Variants in TMEM126A observed in about 807,000 individuals in gnomAD.
TMEM126A encodes the protein optic atrophy 7.
A neutral mutation model predicts 18.3 loss-of-function variants in TMEM126A; 10 were observed. The observed-to-expected ratio is 0.55, with a 90% confidence interval of 0.34 to 0.93. The LOEUF (loss-of-function observed/expected upper bound fraction) is 0.93, where lower values mean the gene tolerates loss of function less well. Ranked by LOEUF, TMEM126A falls within the 40% of genes least tolerant of loss-of-function variation. The pLI, the probability that TMEM126A is intolerant of heterozygous loss-of-function variation, is 0.02. For missense variants in TMEM126A, 246 were observed against 230.2 expected (o/e 1.07, Z -0.44); for synonymous variants, 68 against 78.1 (o/e 0.87, Z 0.68).
Position 85,650,408 on chromosome 11 carries a change from C to T in TMEM126A, c.86+67C>T, listed in dbSNP as rs566310804. 49 of 1,163,356 alleles carry T rather than the reference C, an allele frequency of 4.2e-5. 1 individual carries two copies. The East Asian group carries it at 6.4e-4, about 15-fold the overall frequency. 72.1% of individuals were successfully genotyped at this position (1,163,356 alleles called of 1,614,324 possible). On this transcript the variant is annotated intron_variant, in intron 2 of 4. Coordinates refer to ENST00000304511, the MANE Select transcript of TMEM126A (RefSeq NM_032273.4). ...GATTTTCACCATTGATTCATTATCT[C>T]AAGTTTATCTGGTTTGAGTATAAAC...
At chr11:85,649,696 A>T (rs553645518) in intron 1 of TMEM126A, among the ~76,000 whole-genome samples, 1 of 152,316 alleles carries the variant, frequency 6.6e-6, no homozygotes, top group East Asian at 1.9e-4. Flanking sequence ...ATTTTAGCTA[A>T]CCTATGGGTA....
chr11:85,650,485 T>C, intron 2 of TMEM126A, 144 bp downstream of exon 2: 1 of 683,664 alleles, frequency 1.5e-6, no homozygotes, highest in South Asian at 1.7e-5. Flanking sequence ...ATGAGAGCGT[T>C]TAACCATTTT....
intron 3 of TMEM126A, chr11:85,655,392 T>C (rs1211097733): frequency 3.9e-6 from 2 of 513,524 alleles, no homozygotes; most frequent in Non-Finnish European, 7.0e-6. Context: ...GAACTTTTTT[T>C]CCTAAAATAG....
intron 1 of TMEM126A, among the ~76,000 whole-genome samples, chr11:85,649,703 G>C (rs1031575961): frequency 6.6e-6 from 1 of 152,152 alleles, no homozygotes; most frequent in Non-Finnish European, 1.5e-5. Context: ...CTAACCTATG[G>C]GTACCTATTG....
chr11:85,654,279 C>CA, intron 3 of TMEM126A, 23 bp downstream of exon 3: 1 of 1,609,360 alleles, frequency 6.2e-7, no homozygotes, highest in Non-Finnish European at 8.5e-7. Flanking sequence ...TCACTATCAC[C>CA]AAAGAGTTTG....
intron 1 of TMEM126A, among the ~76,000 whole-genome samples, chr11:85,648,403 T>C (rs1350998386): frequency 6.6e-6 from 1 of 152,228 alleles, no homozygotes; most frequent in Non-Finnish European, 1.5e-5. Flanking sequence ...CCACACTGCC[T>C]ATCTCTCAGA....
Position 85,650,341 on chromosome 11 carries a change from G to C in TMEM126A, c.86G>C (p.Arg29Thr), listed in dbSNP as rs769928688. ...RKINQLPEAE[R>T]NLLENGSVYV... Reference sequence around the variant, plus strand: ...ATTAACCAGCTTCCAGAAGCAGAAAGGTAAGATCCCTTCTTAATTTAAAAA... The same window carrying C: ...ATTAACCAGCTTCCAGAAGCAGAAACGTAAGATCCCTTCTTAATTTAAAAA... The change falls in exon 2 of 5, where the codon AGG becomes ACG. Residue 29 changes from arginine to threonine, a missense_variant and splice_region_variant. Coordinates refer to ENST00000304511, the MANE Select transcript of TMEM126A (RefSeq NM_032273.4). 1 of 1,595,284 alleles carries C rather than the reference G, an allele frequency of 6.3e-7. No homozygotes were observed. Among genetic ancestry groups the C allele is most frequent in the Admixed American group, 1.7e-5 (1 of 59,902 alleles).
chr11:85,649,936 T>G (rs2082487021), intron 1 of TMEM126A, among the ~76,000 whole-genome samples: 1 of 152,228 alleles, frequency 6.6e-6, no homozygotes, highest in Non-Finnish European at 1.5e-5. Context: ...CACTAGCTTA[T>G]CTTTATGGTA....
intron 2 of TMEM126A, among the ~76,000 whole-genome samples, chr11:85,653,254 A>G (rs2082514618): frequency 6.6e-6 from 1 of 152,248 alleles, no homozygotes; most frequent in African/African-American, 2.4e-5. Flanking sequence ...TAAGAAAAGC[A>G]ATACCTTATA....
At position 85,654,459 on chromosome 11, in the gene TMEM126A, T is replaced by C. The variant is rs75353865; in HGVS notation, c.280+203T>C. On this transcript the variant is annotated intron_variant, in intron 3 of 4. Coordinates refer to ENST00000304511, the MANE Select transcript of TMEM126A (RefSeq NM_032273.4). ...CATACACAGCAGTTCTAAATACTTT[T>C]TCTTTAATTGAGATGGAGTTTTGCT... Among the ~76,000 whole-genome samples the C allele has an allele frequency of 0.046, 7,047 of 152,296 alleles. 186 individuals carry two copies. The highest frequency in any genetic ancestry group is 0.13 in the Middle Eastern group (38 of 294).
intron 3 of TMEM126A, among the ~76,000 whole-genome samples, chr11:85,654,516 A>G (rs1354771729): frequency 6.6e-6 from 1 of 152,158 alleles, no homozygotes; most frequent in Non-Finnish European, 1.5e-5. Context: ...CCCTGGCGCA[A>G]TCTTGGCTCA....
Position 85,656,515 on chromosome 11 carries a change from T to C in TMEM126A, c.*14T>C, listed in dbSNP as rs2082541676. 2 of 1,602,202 alleles carry C rather than the reference T, an allele frequency of 1.2e-6. No homozygotes were observed. Among genetic ancestry groups the C allele is most frequent in the African/African-American group, 1.3e-5 (1 of 74,792 alleles). On this transcript the variant is annotated 3_prime_UTR_variant, in exon 5 of 5. Transcript: ENST00000304511. ...GAAATTCACTGATTTTAAACAAATA[T>C]GTAAACAAAAATAAAATGGTAAAAA...
chr11:85,655,406 T>C, intron 3 of TMEM126A, 188 bp from the exon 4 acceptor site: 1 of 541,568 alleles, frequency 1.8e-6, no homozygotes, highest in Non-Finnish European at 3.3e-6. Flanking sequence ...AAAATAGTTT[T>C]ACCAATTATT....
In TMEM126A at chr11:85,654,200, C is replaced by G; in HGVS notation, c.224C>G (p.Pro75Arg). Reference protein sequence around the residue: ...IAAGLPMAGIPFLTTDLTYRC... With the variant: ...IAAGLPMAGIRFLTTDLTYRC... ...GCTGGCTTACCAATGGCAGGGATAC[C>G]TTTTCTTACAACAGACTTAACTTAC... Residue 75 changes from proline (P) to arginine (R), a missense_variant, in exon 3 of 5, where the codon CCT becomes CGT. By Grantham distance (103) the Pro-to-Arg change is moderately radical. Transcript: ENST00000304511. The G allele has an allele frequency of 1.9e-6, 3 of 1,614,140 alleles. No homozygotes were observed. Among genetic ancestry groups the G allele is most frequent in the Non-Finnish European group, 1.7e-6 (2 of 1,180,020 alleles).
At chr11:85,652,396 C>T (rs2082507514) in intron 2 of TMEM126A, among the ~76,000 whole-genome samples, 1 of 152,090 alleles carries the variant, frequency 6.6e-6, no homozygotes, top group Admixed American at 6.5e-5. Context: ...TTCATTTCTT[C>T]TTGGATTATT....
chr11:85,653,987 A>AT, intron 2 of TMEM126A, 76 bp from the exon 3 acceptor site: 1 of 1,529,664 alleles, frequency 6.5e-7, no homozygotes, highest in Non-Finnish European at 9.1e-7. Flanking sequence ...CCAAAGTCCT[A>AT]TAACACATGT....
Position 85,655,576 on chromosome 11 carries a change from G to T in TMEM126A, c.281-18G>T. On this transcript the variant is annotated intron_variant, in intron 3 of 4. Transcript: ENST00000304511. Reference sequence around the variant, plus strand: ...TGACTATCATGACCTTCATTTCTATGACTAATTTATTTCCTAGGTGATTTG... The same window carrying T: ...TGACTATCATGACCTTCATTTCTATTACTAATTTATTTCCTAGGTGATTTG... 1 of 1,567,230 alleles carries T rather than the reference G, an allele frequency of 6.4e-7. No homozygotes were observed. Among genetic ancestry groups the T allele is most frequent in the South Asian group, 1.1e-5 (1 of 90,018 alleles).
chr11:85,651,207 T>C (rs1412334980), intron 2 of TMEM126A, among the ~76,000 whole-genome samples: 2 of 151,702 alleles, frequency 1.3e-5, no homozygotes, highest in Non-Finnish European at 2.9e-5. Flanking sequence ...TCTCTGACTA[T>C]AAAAGGATGA....
intron 2 of TMEM126A, 46 bp from the exon 3 acceptor site, chr11:85,654,017 A>G: frequency 6.2e-7 from 1 of 1,604,206 alleles, no homozygotes; most frequent in Non-Finnish European, 8.5e-7. Flanking sequence ...GAAAGCTCAC[A>G]CACACAATAA....
Sources: allele counts gnomAD v4.1 joint callset (sites outside exome capture counted in the v4.1 genomes callset), GRCh38; gene constraint gnomAD v4.1.1; transcripts MANE v1.5; gene names NCBI Gene and HGNC (gene_info 2026-07-23, HGNC 2026-07-21).